The following KAT7 variants were observed in gnomAD, a reference collection of about 807,000 sequenced individuals.
KAT7 encodes the protein lysine acetyltransferase 7, also known as histone acetyltransferase KAT7.
In KAT7, 10 loss-of-function variants were observed where a neutral mutation model predicts 82.1. The ratio of observed to expected loss-of-function variants is 0.12; its 90% confidence interval spans 0.08 to 0.21. The LOEUF is 0.21. KAT7 is among the 10% of genes least tolerant of loss of function. KAT7 has a pLI of 1.00. For missense variants in KAT7, 378 were observed against 760.9 expected (o/e 0.50, Z 5.92); for synonymous variants, 250 against 262.5 (o/e 0.95, Z 0.46).
In KAT7 at chr17:49,821,344, G is replaced by A; in HGVS notation, c.1163G>A (p.Cys388Tyr). ...AATTTCATTGTCTTGCAGGCCAAAT[G>A]TGTGTGGAAACACCCACCTGGTGAT... ...QTILRRHMAK[C>Y]VWKHPPGDEI... The change falls in exon 10 of 15, where the codon TGT becomes TAT. Residue 388 changes from cysteine to tyrosine, a missense_variant. Cys to Tyr is a radical substitution (Grantham distance 194). Transcript: ENST00000259021. 1 of 1,613,268 alleles carries A rather than the reference G, an allele frequency of 6.2e-7. No individual in the cohort carries two copies. The highest frequency in any genetic ancestry group is 8.5e-7 in the Non-Finnish European group (1 of 1,179,456).
intron 9 of KAT7, 23 bp downstream of exon 9, chr17:49,818,034 G>A (rs765713870): frequency 6.3e-7 from 1 of 1,596,308 alleles, no homozygotes; most frequent in Non-Finnish European, 8.6e-7. Context: ...GGGTTCCTCT[G>A]CCTTGACCAT....
At chr17:49,797,362 C>T (rs888301137) in intron 3 of KAT7, among the ~76,000 whole-genome samples, 2 of 152,142 alleles carry the variant, frequency 1.3e-5, no homozygotes, top group Admixed American at 6.5e-5. Flanking sequence ...CATGCCCAGC[C>T]TCCTTTCTTA....
At chr17:49,820,182 G>A (rs1311305690) in intron 9 of KAT7, among the ~76,000 whole-genome samples, 1 of 152,250 alleles carries the variant, frequency 6.6e-6, no homozygotes, top group East Asian at 1.9e-4. Context: ...CCAGGAGTTC[G>A]AGGCTGCAGT....
chr17:49,828,608 C>T lies in KAT7; in HGVS notation c.*1106C>T, dbSNP rs1231946841. The T allele has an allele frequency of 6.5e-6, 1 of 152,672 alleles. No individual in the cohort carries two copies. Among genetic ancestry groups the T allele is most frequent in the Non-Finnish European group, 1.5e-5 (1 of 68,058 alleles). The allele number at this position is 152,672 out of a possible 1,614,324, so 9.5% of individuals were successfully genotyped here. On this transcript the variant is annotated 3_prime_UTR_variant, in exon 15 of 15. Coordinates refer to ENST00000259021, the MANE Select transcript of KAT7 (RefSeq NM_007067.5). ...CTAGGATTAAAGTGCTTCTGCCCTT[C>T]CACGAACTCCTCCTCCATTTCCTTT... is the stretch of plus-strand genomic sequence containing the variant.
chr17:49,830,688 G>A lies in KAT7; in HGVS notation c.*3186G>A, dbSNP rs895557773. On this transcript the variant is annotated 3_prime_UTR_variant, in exon 15 of 15. Transcript: ENST00000259021. ...CCCTGTACAGTAGATGGGTACACTG[G>A]TTTGCCAAAGGAGACCTGGAATCCA... 5 of 152,234 alleles carry A rather than the reference G, an allele frequency of 3.3e-5. No individual in the cohort carries two copies. Among genetic ancestry groups the A allele is most frequent in the African/African-American group, 1.2e-4 (5 of 41,536 alleles). The allele number at this position is 152,234 out of a possible 1,614,324, so 9.4% of individuals were successfully genotyped here. A position where few individuals can be genotyped will look rare whatever the true frequency, so the allele number is the denominator to read the frequency against.
rs1291722854 is a variant in KAT7, at chr17:49,796,870, G to A, written c.284G>A (p.Arg95Gln). 6.2e-7 allele frequency: 1 copy of A among 1,613,956 alleles called. No individual in the cohort carries two copies. Among genetic ancestry groups the A allele is most frequent in the Non-Finnish European group, 8.5e-7 (1 of 1,180,024 alleles). ...TPVTPKKYPL[R>Q]QTRSSGSETE... is the part of the protein sequence containing the mutation. Reference sequence around the variant, plus strand: ...GTGACACCGAAAAAATACCCTCTTCGGCAGACTCGTTCATCTGGTTCAGAA... The same window carrying A: ...GTGACACCGAAAAAATACCCTCTTCAGCAGACTCGTTCATCTGGTTCAGAA... Residue 95 changes from arginine (R) to glutamine (Q), a missense_variant, in exon 3 of 15, where the codon CGG (arginine) becomes CAG (glutamine). This residue lies in a region of KAT7 where 161 missense variants were observed against 229.6 expected (regional missense o/e 0.70). Coordinates refer to ENST00000259021, the MANE Select transcript of KAT7 (RefSeq NM_007067.5).
chr17:49,797,457 A>G (rs1598054857), intron 3 of KAT7, among the ~76,000 whole-genome samples: 1 of 152,292 alleles, frequency 6.6e-6, no homozygotes, highest in East Asian at 1.9e-4. Flanking sequence ...GTAATAGGAA[A>G]AAGAGACTGG....
intron 14 of KAT7, 40 bp downstream of exon 14, chr17:49,826,839 C>A: frequency 7.4e-7 from 1 of 1,356,792 alleles, no homozygotes; most frequent in South Asian, 1.2e-5. Context: ...GCTGGATGTC[C>A]TTCAAGACTT....
At chr17:49,820,485 G>T (rs1214576278) in intron 9 of KAT7, among the ~76,000 whole-genome samples, 1 of 152,036 alleles carries the variant, frequency 6.6e-6, no homozygotes, top group Non-Finnish European at 1.5e-5. Flanking sequence ...CACCATGTTG[G>T]CCAGGCTGCT....
intron 13 of KAT7, 130 bp from the exon 14 acceptor site, chr17:49,826,563 A>G (rs1222552327): frequency 1.5e-6 from 1 of 674,156 alleles, no homozygotes; most frequent in Non-Finnish European, 2.7e-6. Flanking sequence ...AACTCCTTCT[A>G]AACAGATTGG....
chr17:49,789,148 A>G (rs1334735019), intron 1 of KAT7: 3 of 284,922 alleles, frequency 1.1e-5, no homozygotes, highest in Non-Finnish European at 2.0e-5. Context: ...TTTGGGCTCA[A>G]CGGTCACCTC....
At chr17:49,817,593 A>G (rs187884442) in intron 8 of KAT7, among the ~76,000 whole-genome samples, 50 of 152,226 alleles carry the variant, frequency 3.3e-4, no homozygotes, top group African/African-American at 1.2e-3. Flanking sequence ...TAGCCTCCCA[A>G]GTAGCTGGGA....
Position 49,788,976 on chromosome 17 carries a change from C to T in KAT7, c.15+127C>T, listed in dbSNP as rs2073845660. 6 of 882,478 alleles carry T rather than the reference C, an allele frequency of 6.8e-6. No individual in the cohort carries two copies. In the South Asian group the frequency reaches 7.7e-5, roughly 11 times the overall value. 54.7% of individuals were successfully genotyped at this position (882,478 alleles called of 1,614,324 possible). A position where few individuals can be genotyped will look rare whatever the true frequency, so the allele number is the denominator to read the frequency against. Reference sequence around the variant, plus strand: ...GCTCCCCCGAACCTTGTTCAGCTACCCTCTCTTCTGTCCATACCCAACAGA... The same window carrying T: ...GCTCCCCCGAACCTTGTTCAGCTACTCTCTCTTCTGTCCATACCCAACAGA... On this transcript the variant is annotated intron_variant, in intron 1 of 14. Transcript: ENST00000259021.
At chr17:49,824,989 C>CT (rs1290033030) in intron 12 of KAT7, among the ~76,000 whole-genome samples, 2 of 150,948 alleles carry the variant, frequency 1.3e-5, no homozygotes, top group Non-Finnish European at 3.0e-5. Context: ...TGATTTTGTT[C>CT]TTTTTTTTAT....
chr17:49,823,357 T>C (rs2074329167), intron 12 of KAT7, 62 bp downstream of exon 12: 3 of 926,498 alleles, frequency 3.2e-6, no homozygotes, highest in Non-Finnish European at 1.8e-6. Flanking sequence ...ATTGTTTGTC[T>C]TTTTGTCCTG....
chr17:49,822,621 T>C (rs964825854), intron 11 of KAT7, among the ~76,000 whole-genome samples: 7 of 152,172 alleles, frequency 4.6e-5, no homozygotes, highest in African/African-American at 1.7e-4. Flanking sequence ...GGGTACAATT[T>C]AGTGGTTTAT....
rs1170263942 is a variant in KAT7, at chr17:49,834,374, A to C, written c.*6872A>C. 6.6e-6 allele frequency: 1 copy of C among 152,336 alleles called. No individual in the cohort carries two copies. Among genetic ancestry groups the C allele is most frequent in the Non-Finnish European group, 1.5e-5 (1 of 68,144 alleles). 9.4% of individuals were successfully genotyped at this position (152,336 alleles called of 1,614,324 possible). ...GTGTTGCCCAGGCTGGTTCAAGCGG[A>C]GCTCAAGCAATCAGCCTGCCTCGGC... On this transcript the variant is annotated 3_prime_UTR_variant, in exon 15 of 15. Transcript: ENST00000259021.
rs560672943 is a variant in KAT7 at position 49,832,990 on chromosome 17, T to C, written c.*5488T>C. ...GCTGATAGGGGCAGTTTAATAGCCT[T>C]CTTCCTGTGTGGTATCTGCAACAAA... On this transcript the variant is annotated 3_prime_UTR_variant, in exon 15 of 15. Transcript: ENST00000259021. 2.0e-5 allele frequency: 3 copies of C among 152,296 alleles called. No homozygotes were observed. Among genetic ancestry groups the C allele is most frequent in the African/African-American group, 4.8e-5 (2 of 41,572 alleles). The allele number at this position is 152,296 out of a possible 1,614,324, so 9.4% of individuals were successfully genotyped here. A position where few individuals can be genotyped will look rare whatever the true frequency, so the allele number is the denominator to read the frequency against.
In KAT7 at chr17:49,788,802, C is replaced by G. The variant is rs374568788; in HGVS notation, c.-33C>G. On this transcript the variant is annotated 5_prime_UTR_variant, in exon 1 of 15. Coordinates refer to ENST00000259021, the MANE Select transcript of KAT7 (RefSeq NM_007067.5). Reference sequence around the variant, plus strand: ...CGTTCCTGCTGCTGCCGCCGCTGCCCGAATCGGAACCGTCGGGCCGCAGCC... The same window carrying G: ...CGTTCCTGCTGCTGCCGCCGCTGCCGGAATCGGAACCGTCGGGCCGCAGCC... 1.4e-5 allele frequency: 22 copies of G among 1,577,132 alleles called. No individual in the cohort carries two copies. The African/African-American group carries it at 2.2e-4, about 16-fold the overall frequency.
Sources: allele counts gnomAD v4.1 joint callset (sites outside exome capture counted in the v4.1 genomes callset), GRCh38; gene constraint gnomAD v4.1.1; regional missense constraint gnomAD v4.1.1; transcripts MANE v1.5; gene names NCBI Gene and HGNC (gene_info 2026-07-23, HGNC 2026-07-21).